TMEM196: variants seen among roughly 807,000 people sequenced by gnomAD.
TMEM196 encodes the protein transmembrane protein 196.
Under a neutral mutation model 20.0 loss-of-function variants are expected in TMEM196, and 17 were observed. The observed-to-expected ratio is 0.85, with a 90% confidence interval of 0.58 to 1.27. The LOEUF is 1.27. Ranked by LOEUF, TMEM196 falls within the 50% of genes most tolerant of loss-of-function variation. The probability of loss-of-function intolerance (pLI) is 0.00; values close to 1 mark genes in which losing one functional copy is unlikely to be tolerated. For missense variants in TMEM196, 267 were observed against 223.0 expected (o/e 1.20, Z -1.26); for synonymous variants, 113 against 88.9 (o/e 1.27, Z -1.52).
chr7:19,769,020 C>T (rs149983214), intron 1 of TMEM196, among the ~76,000 whole-genome samples: 1 of 152,096 alleles, frequency 6.6e-6, no homozygotes, highest in African/African-American at 2.4e-5. Context: ...TAGGGTCTCT[C>T]TATATAAAAA....
chr7:19,745,027 AC>A (rs1784703557), intron 1 of TMEM196, among the ~76,000 whole-genome samples: 1 of 152,010 alleles, frequency 6.6e-6, no homozygotes, highest in South Asian at 2.1e-4. Context: ...TGGTTTTGGG[AC>A]CACCGTAGAT....
chr7:19,751,220 G>A (rs1418419048), intron 1 of TMEM196, among the ~76,000 whole-genome samples: 1 of 152,208 alleles, frequency 6.6e-6, no homozygotes, highest in Non-Finnish European at 1.5e-5. Context: ...CAACTATACA[G>A]GGGAGAGAGG....
At chr7:19,768,586 C>G (rs1380085458) in intron 1 of TMEM196, among the ~76,000 whole-genome samples, 1 of 152,064 alleles carries the variant, frequency 6.6e-6, no homozygotes, top group Non-Finnish European at 1.5e-5. Context: ...ATTCACATGA[C>G]TATATCTTTT....
chr7:19,725,387 C>G (rs930088291), intron 3 of TMEM196, 127 bp downstream of exon 3: 2 of 1,238,958 alleles, frequency 1.6e-6, no homozygotes, highest in Non-Finnish European at 2.2e-6. Context: ...TATTCTTAAC[C>G]CAATAGAGCC....
intron 1 of TMEM196, among the ~76,000 whole-genome samples, chr7:19,729,754 A>C (rs1784129641): frequency 6.6e-6 from 1 of 152,126 alleles, no homozygotes; most frequent in Non-Finnish European, 1.5e-5. Context: ...CTACTTTCTC[A>C]GGGAGAAAAG....
intron 1 of TMEM196, among the ~76,000 whole-genome samples, chr7:19,755,328 C>T (rs1785164569): frequency 6.6e-6 from 1 of 152,110 alleles, no homozygotes. Context: ...ATATATTAAA[C>T]CTTTATCACT....
intron 1 of TMEM196, among the ~76,000 whole-genome samples, chr7:19,738,368 T>C (rs898811325): frequency 6.6e-6 from 1 of 152,132 alleles, no homozygotes; most frequent in African/African-American, 2.4e-5. Context: ...TAGATACAGA[T>C]GGTTACATAT....
intron 1 of TMEM196, among the ~76,000 whole-genome samples, chr7:19,735,676 G>A (rs994029171): frequency 4.6e-5 from 7 of 152,110 alleles, no homozygotes; most frequent in East Asian, 3.8e-4. Flanking sequence ...TCTATTAGCC[G>A]GCAGGGAGAG....
At chr7:19,722,250 G>T in intron 4 of TMEM196, 116 bp from the exon 5 acceptor site, 1 of 791,034 alleles carries the variant, frequency 1.3e-6, no homozygotes, top group Non-Finnish European at 2.0e-6. Context: ...TAAGTTTTGG[G>T]GAAAGACAAG....
intron 1 of TMEM196, among the ~76,000 whole-genome samples, chr7:19,735,208 A>C (rs1031163269): frequency 6.6e-6 from 1 of 152,222 alleles, no homozygotes; most frequent in Non-Finnish European, 1.5e-5. Context: ...TTTTAAAAAA[A>C]GATGCAATGA....
intron 1 of TMEM196, among the ~76,000 whole-genome samples, chr7:19,748,322 G>C (rs1784841003): frequency 8.0e-6 from 1 of 125,126 alleles, no homozygotes. Context: ...GAAAGAATGA[G>C]AGCTTATCAA....
chr7:19,746,608 C>G (rs1784760117), intron 1 of TMEM196, among the ~76,000 whole-genome samples: 1 of 152,224 alleles, frequency 6.6e-6, no homozygotes, highest in South Asian at 2.1e-4. Flanking sequence ...ATTAAGGCTA[C>G]TGAATCCAGA....
In TMEM196 at chr7:19,732,961, T is replaced by C. The variant is rs990995116; in HGVS notation, c.148-3523A>G. Among the ~76,000 whole-genome samples the C allele has an allele frequency of 2.8e-4, 42 of 152,350 alleles. 1 individual carries two copies. The highest frequency in any genetic ancestry group is 3.4e-3 in the Middle Eastern group (1 of 294). ...AAAAAGTAAAGCTGATAGCTGTATG[T>C]ATGTGCATATGTGTAAAGCCTGAAC... is the stretch of plus-strand genomic sequence containing the variant. On this transcript the variant is annotated intron_variant, in intron 1 of 4. Coordinates refer to ENST00000405844, the MANE Select transcript of TMEM196 (RefSeq NM_001363562.2).
At chr7:19,751,954 T>C (rs945972393) in intron 1 of TMEM196, among the ~76,000 whole-genome samples, 1 of 152,180 alleles carries the variant, frequency 6.6e-6, no homozygotes, top group Admixed American at 6.5e-5. Flanking sequence ...ATTAACAAGA[T>C]TTCAAGGATT....
chr7:19,725,900 A>C, intron 2 of TMEM196, 132 bp from the exon 3 acceptor site: 2 of 1,056,924 alleles, frequency 1.9e-6, no homozygotes, highest in Non-Finnish European at 2.6e-6. Context: ...GGTGCTTCAC[A>C]GAGGACAGGA....
At chr7:19,741,377 A>C (rs906147521) in intron 1 of TMEM196, among the ~76,000 whole-genome samples, 1 of 152,212 alleles carries the variant, frequency 6.6e-6, no homozygotes, top group African/African-American at 2.4e-5. Context: ...CAGTAAATGC[A>C]TTGATGAGTG....
At chr7:19,771,688 A>G (rs577652858) in intron 1 of TMEM196, among the ~76,000 whole-genome samples, 2 of 152,332 alleles carry the variant, frequency 1.3e-5, no homozygotes, top group African/African-American at 2.4e-5. Flanking sequence ...GATTCACATT[A>G]GGAATGGTGC....
Position 19,741,596 on chromosome 7 carries a change from G to A in TMEM196, c.148-12158C>T, listed in dbSNP as rs138668142. 3.3e-3 allele frequency among the ~76,000 whole-genome samples: 506 copies of A among 152,266 alleles called. 5 individuals are homozygous for A. Among genetic ancestry groups the A allele is most frequent in the African/African-American group, 0.012 (481 of 41,560 alleles). On this transcript the variant is annotated intron_variant, in intron 1 of 4. Coordinates refer to ENST00000405844, the MANE Select transcript of TMEM196 (RefSeq NM_001363562.2). ...TGGTGTTGACCTTCCACATGTCACAGTCATGACACTGTGTGTTTCAGAAAG... is the reference window on the plus strand; with the variant it reads ...TGGTGTTGACCTTCCACATGTCACAATCATGACACTGTGTGTTTCAGAAAG...
intron 1 of TMEM196, among the ~76,000 whole-genome samples, chr7:19,745,179 A>G (rs1398552598): frequency 2.0e-5 from 3 of 152,204 alleles, no homozygotes; most frequent in Non-Finnish European, 4.4e-5. Context: ...CTATGTAAAT[A>G]GTTGTTATAC....
Sources: allele counts gnomAD v4.1 joint callset (sites outside exome capture counted in the v4.1 genomes callset), GRCh38; gene constraint gnomAD v4.1.1; transcripts MANE v1.5; gene names NCBI Gene and HGNC (gene_info 2026-07-23, HGNC 2026-07-21).